The following ZC3H12B variants were observed in gnomAD, a reference collection of about 807,000 sequenced individuals.
ZC3H12B encodes the protein probable ribonuclease ZC3H12B.
A neutral mutation model predicts 43.9 loss-of-function variants in ZC3H12B; 7 were observed. The observed-to-expected ratio is 0.16, with a 90% CI of 0.09 to 0.30. ZC3H12B has a LOEUF of 0.30. ZC3H12B is among the 10% of genes least tolerant of loss of function. The probability of loss-of-function intolerance (pLI) is 1.00; values close to 1 mark genes in which losing one functional copy is unlikely to be tolerated. For synonymous variants in ZC3H12B, 222 were observed against 241.7 expected (o/e 0.92, Z 0.76); for missense variants, 475 against 670.2 (o/e 0.71, Z 3.22).
intron 3 of ZC3H12B, among the ~76,000 whole-genome samples, chrX:65,413,632 G>T (rs1383427177): frequency 8.9e-6 from 1 of 111,928 alleles, no homozygotes; most frequent in Non-Finnish European, 1.9e-5. Context: ...CTGTTACATT[G>T]GTCTATATGC....
chrX:65,355,217 G>A, the ZC3H12B span, among the ~76,000 whole-genome samples: 4 of 111,445 alleles, frequency 3.6e-5, no homozygotes, highest in Non-Finnish European at 7.5e-5. Context: ...AGAGACAAAG[G>A]TTGGGTTACC....
chrX:65,449,006 G>C (rs1271147600), intron 3 of ZC3H12B, among the ~76,000 whole-genome samples: 1 of 95,638 alleles, frequency 1.0e-5, no homozygotes, highest in East Asian at 3.2e-4. Flanking sequence ...AGGAAAGAAA[G>C]AAAGAAAGGA....
At chrX:65,172,616 G>A in the ZC3H12B span, among the ~76,000 whole-genome samples, 19 of 112,350 alleles carry the variant, frequency 1.7e-4, no homozygotes, top group African/African-American at 5.8e-4. Context: ...GTGTAAGGAA[G>A]TGGTCCAGTT....
At chrX:65,212,979 T>G in the ZC3H12B span, among the ~76,000 whole-genome samples, 1 of 107,816 alleles carries the variant, frequency 9.3e-6, no homozygotes, top group African/African-American at 3.3e-5. Flanking sequence ...GTAATGCCAT[T>G]ATTTGTTTTT....
chrX:65,477,618 C>T lies in ZC3H12B; in HGVS notation n.408-11028C>T, dbSNP rs777311021. ...CTCTACTAAAAATACAAAAATTAGC[C>T]GGGTATGGTGGCAGGTGCCTGTAAT... On this transcript the variant is annotated intron_variant and non_coding_transcript_variant, in intron 3 of 5. Transcript: ENST00000617377. Among the ~76,000 whole-genome samples the T allele has an allele frequency of 1.4e-3, 159 of 110,170 alleles. 1 individual carries two copies. Among genetic ancestry groups the T allele is most frequent in the African/African-American group, 5.1e-3 (153 of 30,265 alleles).
At chrX:65,227,030 A>G in the ZC3H12B span, among the ~76,000 whole-genome samples, 26 of 111,309 alleles carry the variant, frequency 2.3e-4, no homozygotes, top group African/African-American at 8.2e-4. Flanking sequence ...CACCAAGCGG[A>G]CCTAATAGAC....
chrX:65,424,277 G>T (rs2067054320), intron 3 of ZC3H12B, among the ~76,000 whole-genome samples: 1 of 112,225 alleles, frequency 8.9e-6, no homozygotes, highest in Non-Finnish European at 1.9e-5. Context: ...TTTGAGAAGT[G>T]TCTGCTCATG....
At chrX:65,282,164 T>C in the ZC3H12B span, among the ~76,000 whole-genome samples, 1 of 110,600 alleles carries the variant, frequency 9.0e-6, no homozygotes, top group Non-Finnish European at 1.9e-5. Flanking sequence ...GAAAGCAAAA[T>C]CTTAGCCAGG....
the ZC3H12B span, among the ~76,000 whole-genome samples, chrX:65,227,159 T>C: frequency 9.0e-6 from 1 of 111,255 alleles, no homozygotes; most frequent in Non-Finnish European, 1.9e-5. Context: ...AAATGTAAAA[T>C]AACAGAAATT....
the ZC3H12B span, among the ~76,000 whole-genome samples, chrX:65,320,812 C>T: frequency 1.8e-5 from 2 of 111,905 alleles, no homozygotes; most frequent in Non-Finnish European, 3.8e-5. Context: ...AGTTTCTTTT[C>T]AATAAATGGT....
chrX:65,375,521 C>G (rs772713055), intron 2 of ZC3H12B, among the ~76,000 whole-genome samples: 1 of 111,683 alleles, frequency 9.0e-6, no homozygotes, highest in Non-Finnish European at 1.9e-5. Context: ...CTCATGGCTG[C>G]GAAAGAGACA....
chrX:65,340,135 G>C, the ZC3H12B span, among the ~76,000 whole-genome samples: 1 of 111,829 alleles, frequency 8.9e-6, no homozygotes, highest in African/African-American at 3.3e-5. Context: ...CCTCACGTGA[G>C]TGACCACCCT....
At chrX:65,477,817 C>CTG (rs746164349) in intron 3 of ZC3H12B, among the ~76,000 whole-genome samples, 16,037 of 92,771 alleles carry the variant, frequency 0.17, 2,553 homozygotes, top group African/African-American at 0.48. Flanking sequence ...AAACATTCCT[C>CTG]TGTGTGTGTG....
the ZC3H12B span, among the ~76,000 whole-genome samples, chrX:65,212,592 T>C: frequency 6.1e-4 from 50 of 82,121 alleles, no homozygotes; most frequent in African/African-American, 2.3e-3. Flanking sequence ...ATATATTATA[T>C]ATAATATATA....
At chrX:65,383,641 G>T (rs1399814367) in intron 2 of ZC3H12B, among the ~76,000 whole-genome samples, 1 of 110,726 alleles carries the variant, frequency 9.0e-6, no homozygotes, top group African/African-American at 3.3e-5. Flanking sequence ...CACAGCAAAA[G>T]AAACTACCAT....
the ZC3H12B span, among the ~76,000 whole-genome samples, chrX:65,048,189 T>A: frequency 9.0e-6 from 1 of 111,286 alleles, no homozygotes; most frequent in Non-Finnish European, 1.9e-5. Flanking sequence ...TAGCATAAAG[T>A]CCTCAGGATT....
the ZC3H12B span, among the ~76,000 whole-genome samples, chrX:65,099,855 A>G: frequency 2.7e-5 from 3 of 111,725 alleles, no homozygotes; most frequent in Admixed American, 2.9e-4. Context: ...CATCTCCAGC[A>G]AGGGTGCAAA....
At chrX:65,337,958 C>A in the ZC3H12B span, among the ~76,000 whole-genome samples, 1 of 111,797 alleles carries the variant, frequency 8.9e-6, no homozygotes, top group Non-Finnish European at 1.9e-5. Context: ...GCAGATGAAT[C>A]AGTCTTGTTT....
chrX:65,204,921 G>A, the ZC3H12B span, among the ~76,000 whole-genome samples: 1 of 111,677 alleles, frequency 9.0e-6, no homozygotes, highest in Non-Finnish European at 1.9e-5. Context: ...TGAAAGCTTT[G>A]GGAAGGAGCA....
Sources: allele counts gnomAD v4.1 joint callset (sites outside exome capture counted in the v4.1 genomes callset), GRCh38; gene constraint gnomAD v4.1.1; transcripts MANE v1.5; gene names NCBI Gene and HGNC (gene_info 2026-07-23, HGNC 2026-07-21).